Variants in CDK14 observed in about 807,000 individuals in gnomAD.
CDK14 encodes the protein cyclin-dependent kinase 14.
CDK14 carries 34 observed loss-of-function variants against 60.7 expected under a neutral mutation model. The observed-to-expected ratio is 0.56, with a 90% CI of 0.43 to 0.75. The LOEUF (loss-of-function observed/expected upper bound fraction) is 0.75. CDK14 is among the 30% of genes least tolerant of loss of function. The pLI is 0.00. For missense variants in CDK14, 482 were observed against 564.1 expected (o/e 0.85, Z 1.47); for synonymous variants, 197 against 203.7 (o/e 0.97, Z 0.28).
At chr7:91,156,748 G>A (rs979924066) in intron 14 of CDK14, among the ~76,000 whole-genome samples, 3 of 152,190 alleles carry the variant, frequency 2.0e-5, no homozygotes, top group Non-Finnish European at 4.4e-5. Flanking sequence ...TTTCAAATGA[G>A]ATTCCCATCA....
intron 8 of CDK14, among the ~76,000 whole-genome samples, chr7:90,944,362 G>T (rs772495672): frequency 3.3e-5 from 5 of 152,202 alleles, no homozygotes; most frequent in South Asian, 2.1e-4. Flanking sequence ...GGTTGTCCTT[G>T]CCAGATATGT....
intron 4 of CDK14, among the ~76,000 whole-genome samples, chr7:90,778,468 G>A (rs989472893): frequency 6.6e-6 from 1 of 152,120 alleles, no homozygotes; most frequent in African/African-American, 2.4e-5. Flanking sequence ...CTGCCCTTCC[G>A]GCTCCCACTG....
intron 14 of CDK14, among the ~76,000 whole-genome samples, chr7:91,120,536 C>CT (rs5885756): frequency 0.17 from 23,652 of 139,192 alleles, 2,085 homozygotes; most frequent in Admixed American, 0.21. Flanking sequence ...ACTTGTAAAG[C>CT]TTTTTTTTTT....
intron 14 of CDK14, among the ~76,000 whole-genome samples, chr7:91,167,705 A>G (rs561938240): frequency 2.0e-5 from 3 of 152,204 alleles, no homozygotes; most frequent in Non-Finnish European, 4.4e-5. Flanking sequence ...TGATGCAAAG[A>G]GAGGCCGTAC....
intron 2 of CDK14, among the ~76,000 whole-genome samples, chr7:90,622,843 T>C (rs1186568565): frequency 6.6e-6 from 1 of 151,992 alleles, no homozygotes; most frequent in Non-Finnish European, 1.5e-5. Flanking sequence ...TCCCATCTTA[T>C]CTCAGATCAA....
At chr7:90,861,885 G>C (rs1791021591) in intron 5 of CDK14, among the ~76,000 whole-genome samples, 1 of 152,194 alleles carries the variant, frequency 6.6e-6, no homozygotes, top group South Asian at 2.1e-4. Context: ...ATAGGGATTA[G>C]TGCATTTTGG....
chr7:90,983,047 C>T (rs1205140167), intron 9 of CDK14, among the ~76,000 whole-genome samples: 1 of 152,104 alleles, frequency 6.6e-6, no homozygotes, highest in Non-Finnish European at 1.5e-5. Context: ...AGTCAAAATA[C>T]AACAGATGCT....
At chr7:91,070,626 G>A (rs907956843) in intron 11 of CDK14, among the ~76,000 whole-genome samples, 3 of 152,106 alleles carry the variant, frequency 2.0e-5, no homozygotes, top group Admixed American at 2.0e-4. Flanking sequence ...CAGGCATGGT[G>A]GCATGCTCCT....
chr7:90,856,615 TAAAC>T (rs773188099), intron 5 of CDK14, among the ~76,000 whole-genome samples: 86 of 152,344 alleles, frequency 5.6e-4, no homozygotes, highest in Admixed American at 1.5e-3. Flanking sequence ...TACAGACAGT[TAAAC>T]AAGCAATCCT....
intron 5 of CDK14, among the ~76,000 whole-genome samples, chr7:90,845,621 T>TA (rs1196758774): frequency 1.3e-5 from 2 of 152,148 alleles, no homozygotes; most frequent in South Asian, 2.1e-4. Context: ...TGGTGTCACT[T>TA]ACGTTTGAAT....
At chr7:91,204,390 C>A (rs1802818600) in intron 14 of CDK14, among the ~76,000 whole-genome samples, 2 of 150,482 alleles carry the variant, frequency 1.3e-5, no homozygotes, top group African/African-American at 2.4e-5. Flanking sequence ...GATATAACAC[C>A]AAAAATATAA....
intron 10 of CDK14, among the ~76,000 whole-genome samples, chr7:91,009,016 C>T (rs997560660): frequency 2.0e-5 from 3 of 152,084 alleles, no homozygotes; most frequent in Non-Finnish European, 4.4e-5. Flanking sequence ...CCTTTCCTTC[C>T]CTCTTTCTGC....
At chr7:90,661,503 G>T (rs570912949) in intron 2 of CDK14, among the ~76,000 whole-genome samples, 1 of 152,146 alleles carries the variant, frequency 6.6e-6, no homozygotes, top group Non-Finnish European at 1.5e-5. Context: ...ATGAAATTGG[G>T]CAGTGACTGG....
intron 10 of CDK14, among the ~76,000 whole-genome samples, chr7:91,036,909 A>G (rs895821600): frequency 5.3e-5 from 8 of 152,166 alleles, no homozygotes; most frequent in Non-Finnish European, 8.8e-5. Flanking sequence ...CTTTTGCCAT[A>G]TTCTGTTGGT....
chr7:90,604,994 T>C (rs1799388215), intron 2 of CDK14, among the ~76,000 whole-genome samples: 1 of 152,160 alleles, frequency 6.6e-6, no homozygotes, highest in South Asian at 2.1e-4. Flanking sequence ...TGTATATAGA[T>C]TGTGTTTTTA....
At chr7:91,105,993 A>G (rs982387801) in intron 12 of CDK14, among the ~76,000 whole-genome samples, 1 of 152,222 alleles carries the variant, frequency 6.6e-6, no homozygotes, top group African/African-American at 2.4e-5. Context: ...ACAGGGACAA[A>G]CAGATGGAAA....
At chr7:90,880,927 C>T (rs1011979760) in intron 6 of CDK14, among the ~76,000 whole-genome samples, 2 of 152,148 alleles carry the variant, frequency 1.3e-5, no homozygotes, top group African/African-American at 4.8e-5. Context: ...CACAAAAACC[C>T]CATTCAAGGT....
At chr7:91,206,991 G>C (rs1802920936) in intron 14 of CDK14, among the ~76,000 whole-genome samples, 174 bp from the exon 15 acceptor site, 1 of 152,018 alleles carries the variant, frequency 6.6e-6, no homozygotes, top group African/African-American at 2.4e-5. Context: ...CATATTAGAA[G>C]GATTTTTTTT....
chr7:90,609,207 T>C (rs1799485254), intron 2 of CDK14, among the ~76,000 whole-genome samples: 2 of 152,116 alleles, frequency 1.3e-5, no homozygotes, highest in African/African-American at 4.8e-5. Flanking sequence ...GTATTTTTTG[T>C]AGAGATGGAG....
Sources: allele counts gnomAD v4.1 joint callset (sites outside exome capture counted in the v4.1 genomes callset), GRCh38; gene constraint gnomAD v4.1.1; transcripts MANE v1.5; gene names NCBI Gene and HGNC (gene_info 2026-07-23, HGNC 2026-07-21).